The following SIMC1 variants were observed in gnomAD, a reference collection of about 807,000 sequenced individuals.
The protein encoded by SIMC1 is SUMO interacting motifs containing 1.
In SIMC1, 55 loss-of-function variants were observed where a neutral mutation model predicts 82.3. The ratio of observed to expected loss-of-function variants is 0.67; its 90% CI spans 0.54 to 0.84. The LOEUF (loss-of-function observed/expected upper bound fraction) is 0.84. Among genes scored for constraint, SIMC1 ranks in the 40% least tolerant of loss-of-function variants. SIMC1 has a pLI of 0.00. For synonymous variants in SIMC1, 353 were observed against 426.3 expected, an observed-to-expected ratio of 0.83 and a Z score of 2.12; for missense variants, 915 against 1,107.2, an observed-to-expected ratio of 0.83 and a Z score of 2.46.
chr5:176,314,781 G>T (rs1042623978), intron 5 of SIMC1, among the ~76,000 whole-genome samples: 1 of 152,078 alleles, frequency 6.6e-6, no homozygotes, highest in Non-Finnish European at 1.5e-5. Context: ...AGGATTTTTT[G>T]ACTTTACATT....
intron 1 of SIMC1, among the ~76,000 whole-genome samples, chr5:176,281,334 A>G (rs1209989265): frequency 6.6e-6 from 1 of 152,160 alleles, no homozygotes; most frequent in Non-Finnish European, 1.5e-5. Flanking sequence ...ACATTCGTCT[A>G]AATTTTTTTC....
Position 176,290,289 on chromosome 5 carries a change from G to T in SIMC1, c.765G>T (p.Gln255His). The change falls in exon 2 of 10, where the codon CAG becomes CAT. Residue 255 changes from glutamine (Q) to histidine (H), a missense_variant. By Grantham distance (24) the Gln-to-His change is conservative. This residue lies in a region of SIMC1 where 902 missense variants were observed against 1,040.3 expected (regional missense o/e 0.87). Transcript: ENST00000429602. ...RALSCPSQTM[Q>H]CQLPALTHPP... Reference sequence around the variant, plus strand: ...TGTCATGCCCATCACAAACCATGCAGTGCCAACTACCAGCTCTAACTCACC... The same window carrying T: ...TGTCATGCCCATCACAAACCATGCATTGCCAACTACCAGCTCTAACTCACC... 9 of 1,612,124 alleles carry T rather than the reference G, an allele frequency of 5.6e-6. No homozygotes were observed. The highest frequency in any genetic ancestry group is 7.6e-6 in the Non-Finnish European group (9 of 1,179,710).
intron 4 of SIMC1, among the ~76,000 whole-genome samples, chr5:176,298,462 C>T (rs933757040): frequency 1.4e-4 from 22 of 152,146 alleles, no homozygotes; most frequent in Non-Finnish European, 7.3e-5. Flanking sequence ...GGTGAGACCC[C>T]ATCTCTACTA....
intron 1 of SIMC1, among the ~76,000 whole-genome samples, chr5:176,278,948 A>G (rs1762848465): frequency 1.3e-5 from 2 of 152,058 alleles, no homozygotes; most frequent in African/African-American, 2.4e-5. Flanking sequence ...TTGTTATCAG[A>G]ATGATGCTGG....
At chr5:176,271,958 T>TA (rs1762453798) in intron 1 of SIMC1, among the ~76,000 whole-genome samples, 2 of 144,824 alleles carry the variant, frequency 1.4e-5, no homozygotes, top group African/African-American at 5.0e-5. Context: ...TTATATATTA[T>TA]GTATATAATG....
rs773591483 is a variant in SIMC1, at chr5:176,290,945, A to G, written c.1421A>G (p.Asp474Gly). The G allele has an allele frequency of 1.3e-5, 20 of 1,586,914 alleles. No individual in the cohort carries two copies. The South Asian group carries it at 2.3e-4, about 18-fold the overall frequency. The change falls in exon 2 of 10, where the codon GAC becomes GGC. Residue 474 changes from aspartate (D) to glycine (G), a missense_variant. Coordinates refer to ENST00000429602, the MANE Select transcript of SIMC1 (RefSeq NM_001308195.2). ...TTTCAGACGCTAATACCGGATAAAG[A>G]CACAAGAGAGGTGAGCTAACATCTT... ...LFFQTLIPDKDTRENKGQKLE... is the reference protein window; with the variant it reads ...LFFQTLIPDKGTRENKGQKLE...
Position 176,276,936 on chromosome 5 carries a change from G to T in SIMC1, c.130-12718G>T, listed in dbSNP as rs915494061. 1.3e-3 allele frequency among the ~76,000 whole-genome samples: 198 copies of T among 150,944 alleles called. 4 individuals carry two copies. Among genetic ancestry groups the T allele is most frequent in the East Asian group, 4.7e-3 (24 of 5,148 alleles). ...TGTACATGTGTCTTTATAGCAGCATGATTTATAGTCCTTTGGGTATATACC... is the reference window on the plus strand; with the variant it reads ...TGTACATGTGTCTTTATAGCAGCATTATTTATAGTCCTTTGGGTATATACC... On this transcript the variant is annotated intron_variant, in intron 1 of 9. Transcript: ENST00000429602.
intron 4 of SIMC1, among the ~76,000 whole-genome samples, chr5:176,304,612 G>T (rs1239525572): frequency 6.8e-6 from 1 of 146,444 alleles, no homozygotes; most frequent in Non-Finnish European, 1.5e-5. Flanking sequence ...CCGCCACCCC[G>T]TCTGGGAAGT....
rs759059793 is a variant in SIMC1, at chr5:176,294,979, A to C, written c.1432-51A>C. ...GACTCCGTCTCAAAAAAAAAAAAAA[A>C]AAAAAAAGAAAAGAAATCCCTCCTA... On this transcript the variant is annotated intron_variant, in intron 2 of 9. Coordinates refer to ENST00000429602, the MANE Select transcript of SIMC1 (RefSeq NM_001308195.2). The C allele has an allele frequency of 6.9e-5, 106 of 1,529,704 alleles. No homozygotes were observed. The African/African-American group carries it at 1.4e-3, about 21-fold the overall frequency. The allele number at this position is 1,529,704 out of a possible 1,614,324, so 94.8% of individuals were successfully genotyped here.
chr5:176,300,015 C>T (rs1763976230), intron 4 of SIMC1, among the ~76,000 whole-genome samples: 1 of 152,014 alleles, frequency 6.6e-6, no homozygotes, highest in Non-Finnish European at 1.5e-5. Flanking sequence ...AAACAACACA[C>T]AACAATGGTT....
chr5:176,336,957 T>C lies in SIMC1; in HGVS notation c.2328+81T>C, dbSNP rs3749803. ...CGAACCCTTCCCATAGGATTTTAGC[T>C]TAAAACACAACTGTTTGAGCATTCT... On this transcript the variant is annotated intron_variant, in intron 8 of 9. Coordinates refer to ENST00000429602, the MANE Select transcript of SIMC1 (RefSeq NM_001308195.2). 2.1e-4 allele frequency: 336 copies of C among 1,601,258 alleles called. 6 individuals are homozygous for C. In the East Asian group the frequency reaches 7.4e-3, roughly 35 times the overall value.
At chr5:176,304,965 A>G (rs1255578651) in intron 4 of SIMC1, among the ~76,000 whole-genome samples, 5 of 46,066 alleles carry the variant, frequency 1.1e-4, no homozygotes, top group Non-Finnish European at 1.9e-4. Context: ...ACCCCGTCTG[A>G]GAAGTGAGGA....
chr5:176,262,278 TTAA>T (rs1335000525), intron 1 of SIMC1, among the ~76,000 whole-genome samples: 835 of 70,818 alleles, frequency 0.012, 5 homozygotes, highest in African/African-American at 0.041. Flanking sequence ...CATTCATGAT[TTAA>T]AAAAAAAAAA....
intron 3 of SIMC1, 97 bp downstream of exon 3, chr5:176,295,359 C>G: frequency 1.4e-6 from 2 of 1,481,308 alleles, no homozygotes; most frequent in Non-Finnish European, 1.8e-6. Flanking sequence ...CTAACCGTTA[C>G]AGTGGGTGAC....
chr5:176,326,724 C>T (rs987491877), intron 7 of SIMC1, among the ~76,000 whole-genome samples: 4 of 152,006 alleles, frequency 2.6e-5, no homozygotes, highest in Non-Finnish European at 4.4e-5. Context: ...GCCCCTATAC[C>T]CAGCTAATTT....
At chr5:176,320,336 TTTA>T (rs1561721682) in intron 5 of SIMC1, among the ~76,000 whole-genome samples, 41 of 10,838 alleles carry the variant, frequency 3.8e-3, no homozygotes, top group Admixed American at 6.0e-3. Context: ...TCCTATTTTA[TTTA>T]TTTATTTATT....
chr5:176,290,511 A>G lies in SIMC1; in HGVS notation c.987A>G (p.Pro329=). The change falls in exon 2 of 10, where the codon CCA becomes CCG. Residue 329 remains proline (P), a synonymous_variant. Coordinates refer to ENST00000429602, the MANE Select transcript of SIMC1 (RefSeq NM_001308195.2). ...PSDVSPSPDA[P]QSPGGMPHLP... ...ATGTTTCACCGTCACCAGATGCACCACAGTCACCAGGGGGCATGCCACACT... is the reference window on the plus strand; with the variant it reads ...ATGTTTCACCGTCACCAGATGCACCGCAGTCACCAGGGGGCATGCCACACT... 6.2e-7 allele frequency: 1 copy of G among 1,614,002 alleles called. No individual in the cohort carries two copies. Among genetic ancestry groups the G allele is most frequent in the South Asian group, 1.1e-5 (1 of 91,078 alleles).
At chr5:176,282,282 G>C (rs1763047513) in intron 1 of SIMC1, among the ~76,000 whole-genome samples, 1 of 152,234 alleles carries the variant, frequency 6.6e-6, no homozygotes, top group African/African-American at 2.4e-5. Flanking sequence ...AAGCCCGTCG[G>C]AAAAGCGCAG....
Position 176,313,349 on chromosome 5 carries a change from A to G in SIMC1, c.1735-342A>G, listed in dbSNP as rs2113344413. 3 of 1,492,854 alleles carry G rather than the reference A, an allele frequency of 2.0e-6. 1 individual carries two copies. The highest frequency in any genetic ancestry group is 2.7e-5 in the South Asian group (2 of 74,606). The allele number at this position is 1,492,854 out of a possible 1,614,324, so 92.5% of individuals were successfully genotyped here. The stretch of plus-strand genomic sequence containing the variant: ...CTTCCCATGGCTGCCTCTTAAATCA[A>G]ATGATCTACAATCCTAGAGATTCCA... On this transcript the variant is annotated intron_variant, in intron 4 of 9. Transcript: ENST00000429602.
Sources: allele counts gnomAD v4.1 joint callset (sites outside exome capture counted in the v4.1 genomes callset), GRCh38; gene constraint gnomAD v4.1.1; regional missense constraint gnomAD v4.1.1; transcripts MANE v1.5; gene names NCBI Gene and HGNC (gene_info 2026-07-23, HGNC 2026-07-21).